FSIP2: variants seen among roughly 807,000 people sequenced by gnomAD.
FSIP2 encodes fibrous sheath interacting protein 2.
Under a neutral mutation model 510.5 loss-of-function variants are expected in FSIP2, and 367 were observed. That is an observed-to-expected ratio of 0.72 (90% CI 0.66 to 0.78). FSIP2 has a LOEUF of 0.78. Ranked by LOEUF, FSIP2 falls within the 30% of genes least tolerant of loss-of-function variation. The pLI is 0.00. For synonymous variants in FSIP2, 2,601 were observed against 2,732.2 expected, an observed-to-expected ratio of 0.95 and a Z score of 1.50; for missense variants, 7,594 against 7,901.7, an observed-to-expected ratio of 0.96 and a Z score of 1.48.
intron 13 of FSIP2, chr2:185,765,734 C>A (rs897959980): frequency 1.5e-4 from 23 of 151,956 alleles, no homozygotes; most frequent in African/African-American, 5.1e-4. Flanking sequence ...TTACCTTGGG[C>A]AGTATGGCCA....
At chr2:185,814,069 AC>A in intron 18 of FSIP2, 27 bp downstream of exon 18, 1 of 1,578,690 alleles carries the variant, frequency 6.3e-7, no homozygotes, top group Non-Finnish European at 8.6e-7. Flanking sequence ...ACTGTTAGTG[AC>A]TAGAAAGGGG....
In FSIP2 at chr2:185,807,201, A is replaced by G. The variant is rs1559035708; in HGVS notation, c.17895A>G (p.Ile5965Met). The change falls in exon 17 of 23, where the codon ATA (isoleucine) becomes ATG (methionine). Residue 5965 changes from isoleucine to methionine, a missense_variant. Coordinates refer to ENST00000424728, the MANE Select transcript of FSIP2 (RefSeq NM_173651.4). ...TTTTCCAACGTCAGGTTAACTTGAT[A>G]TTTTGTGATGAGGTTTCAGTTTCAG... Reference protein sequence around the residue: ...NEIFQRQVNLIFCDEVSVSAC... With the variant: ...NEIFQRQVNLMFCDEVSVSAC... 1.9e-6 allele frequency: 3 copies of G among 1,602,256 alleles called. No homozygotes were observed. Among genetic ancestry groups the G allele is most frequent in the Non-Finnish European group, 1.7e-6 (2 of 1,176,398 alleles).
At chr2:185,752,452 T>G (rs1559011412) in intron 7 of FSIP2, among the ~76,000 whole-genome samples, 1 of 151,344 alleles carries the variant, frequency 6.6e-6, no homozygotes, top group Non-Finnish European at 1.5e-5. Context: ...TTCTTGGACC[T>G]GTGGGTTTAC....
chr2:185,790,924 T>A lies in FSIP2; in HGVS notation c.3788T>A (p.Ile1263Asn). Reference protein sequence around the residue: ...PKPVDDINDKIIRTIFKRLKS... With the variant: ...PKPVDDINDKNIRTIFKRLKS... ...CCTGTAGATGACATTAATGATAAGA[T>A]CATTCGTACAATTTTTAAAAGACTG... The change falls in exon 16 of 23, where the codon ATC becomes AAC. Residue 1263 changes from isoleucine to asparagine, a missense_variant. Ile to Asn is a moderately radical substitution (Grantham distance 149). Coordinates refer to ENST00000424728, the MANE Select transcript of FSIP2 (RefSeq NM_173651.4). 1 of 1,524,994 alleles carries A rather than the reference T, an allele frequency of 6.6e-7. No homozygotes were observed. Among genetic ancestry groups the A allele is most frequent in the Non-Finnish European group, 8.7e-7 (1 of 1,142,990 alleles). The allele number at this position is 1,524,994 out of a possible 1,614,324, so 94.5% of individuals were successfully genotyped here. A position where few individuals can be genotyped will look rare whatever the true frequency, so the allele number is the denominator to read the frequency against.
Position 185,758,610 on chromosome 2 carries a change from C to T in FSIP2, c.1078+2332C>T, listed in dbSNP as rs182748011. Among the ~76,000 whole-genome samples the T allele has an allele frequency of 4.5e-3, 675 of 151,146 alleles. 5 individuals are homozygous for T. Among genetic ancestry groups the T allele is most frequent in the Non-Finnish European group, 8.4e-3 (566 of 67,384 alleles). On this transcript the variant is annotated intron_variant, in intron 9 of 22. Transcript: ENST00000424728. ...TCCTCATTGTCTTCATGTTGTAACA[C>T]CTCTGGCCAGTGGAAGCACCTTTGT...
chr2:185,750,234 T>C (rs958896656), intron 7 of FSIP2, among the ~76,000 whole-genome samples: 8 of 151,680 alleles, frequency 5.3e-5, no homozygotes, highest in East Asian at 1.9e-4. Context: ...ATTGGTATTG[T>C]TTATTTTTTA....
intron 13 of FSIP2, chr2:185,766,170 G>C (rs1173585566): frequency 6.6e-6 from 1 of 151,938 alleles, no homozygotes; most frequent in East Asian, 1.9e-4. Flanking sequence ...ATCAATTCAA[G>C]ATGGATTAAA....
intron 19 of FSIP2, 84 bp downstream of exon 19, chr2:185,815,555 A>C (rs1693810693): frequency 1.7e-6 from 1 of 574,540 alleles, no homozygotes; most frequent in Non-Finnish European, 3.1e-6. Context: ...CAAAACTGTA[A>C]TTGAGCAAGT....
chr2:185,821,861 G>T (rs1364697562), intron 19 of FSIP2, among the ~76,000 whole-genome samples: 1 of 151,286 alleles, frequency 6.6e-6, no homozygotes, highest in African/African-American at 2.4e-5. Context: ...AGGAAGTTGA[G>T]GCTGCAGTGA....
chr2:185,785,105 T>C (rs1341849918), intron 14 of FSIP2, among the ~76,000 whole-genome samples: 1 of 152,056 alleles, frequency 6.6e-6, no homozygotes, highest in African/African-American at 2.4e-5. Flanking sequence ...TTTGTGCCAA[T>C]GATATAACAT....
Position 185,832,961 on chromosome 2 carries a change from C to T in FSIP2, c.20588-129C>T, listed in dbSNP as rs34199041. ...CATAGTACAGTAGGCATAATGATGC[C>T]ATGAGAGTCAGAAAGTCTGGACCCT... On this transcript the variant is annotated intron_variant, in intron 22 of 22. Coordinates refer to ENST00000424728, the MANE Select transcript of FSIP2 (RefSeq NM_173651.4). The T allele has an allele frequency of 2.1e-5, 15 of 699,240 alleles. No homozygotes were observed. The South Asian group carries it at 2.5e-4, about 12-fold the overall frequency. The allele number at this position is 699,240 out of a possible 1,614,324, so 43.3% of individuals were successfully genotyped here. A position where few individuals can be genotyped will look rare whatever the true frequency, so the allele number is the denominator to read the frequency against.
At position 185,803,915 on chromosome 2, in the gene FSIP2, A is replaced by T; in HGVS notation, c.14609A>T (p.Asp4870Val). ...IQSMVDSIYA[D>V]LSHSNIYQSI... ...TCTATGGTTGATTCCATTTATGCTG[A>T]TCTTTCTCATTCAAATATATACCAG... The change falls in exon 17 of 23, where the codon GAT becomes GTT. Residue 4870 changes from aspartate to valine, a missense_variant. Asp to Val is a radical substitution (Grantham distance 152). Coordinates refer to ENST00000424728, the MANE Select transcript of FSIP2 (RefSeq NM_173651.4). 1 of 1,525,574 alleles carries T rather than the reference A, an allele frequency of 6.6e-7. No individual in the cohort carries two copies. Among genetic ancestry groups the T allele is most frequent in the Non-Finnish European group, 8.8e-7 (1 of 1,139,644 alleles). 94.5% of individuals were successfully genotyped at this position (1,525,574 alleles called of 1,614,324 possible). A position where few individuals can be genotyped will look rare whatever the true frequency, so the allele number is the denominator to read the frequency against.
At chr2:185,787,051 T>C (rs1423761970) in intron 15 of FSIP2, among the ~76,000 whole-genome samples, 1 of 151,800 alleles carries the variant, frequency 6.6e-6, no homozygotes, top group Non-Finnish European at 1.5e-5. Flanking sequence ...CTAAGAGTAA[T>C]AATGTAGGTT....
intron 22 of FSIP2, 65 bp downstream of exon 22, chr2:185,831,947 G>T (rs1694116916): frequency 3.1e-6 from 3 of 978,478 alleles, no homozygotes; most frequent in Non-Finnish European, 3.3e-6. Context: ...TTTGAATTTA[G>T]AATTTTTTAT....
chr2:185,748,161 T>C (rs1412901475), intron 7 of FSIP2, among the ~76,000 whole-genome samples: 1 of 152,102 alleles, frequency 6.6e-6, no homozygotes, highest in African/African-American at 2.4e-5. Flanking sequence ...TAAATATGTA[T>C]GCTTCTCTTT....
Position 185,795,719 on chromosome 2 carries a change from A to G in FSIP2, c.8583A>G (p.Ile2861Met). The G allele has an allele frequency of 1.3e-6, 2 of 1,532,720 alleles. No individual in the cohort carries two copies. Among genetic ancestry groups the G allele is most frequent in the Admixed American group, 2.0e-5 (1 of 50,656 alleles). The allele number at this position is 1,532,720 out of a possible 1,614,324, so 94.9% of individuals were successfully genotyped here. Reference protein sequence around the residue: ...KENEKCKLLMIAENVLTEISI... With the variant: ...KENEKCKLLMMAENVLTEISI... ...ATGAAAAATGTAAGCTATTGATGATAGCTGAAAATGTTTTGACTGAAATTT... is the reference window on the plus strand; with the variant it reads ...ATGAAAAATGTAAGCTATTGATGATGGCTGAAAATGTTTTGACTGAAATTT... The change falls in exon 16 of 23, where the codon ATA (isoleucine) becomes ATG (methionine). Residue 2861 changes from isoleucine (I) to methionine (M), a missense_variant. By Grantham distance (10) the Ile-to-Met change is conservative. Transcript: ENST00000424728.
In FSIP2 at chr2:185,805,894, C is replaced by A. The variant is rs113557330; in HGVS notation, c.16588C>A (p.Gln5530Lys). ...TGAAAATAAAGTGGGAATTTGTACT[C>A]AAAAACATAGTGAGAATGTATCAAA... ...VDENKVGICT[Q>K]KHSENVSKVT... Residue 5530 changes from glutamine to lysine, a missense_variant, in exon 17 of 23, where the codon CAA becomes AAA. Physicochemically the swap from Gln to Lys is moderately conservative, Grantham distance 53. Coordinates refer to ENST00000424728, the MANE Select transcript of FSIP2 (RefSeq NM_173651.4). 6.8e-6 allele frequency: 11 copies of A among 1,607,216 alleles called. No individual in the cohort carries two copies. Among genetic ancestry groups the A allele is most frequent in the Non-Finnish European group, 7.6e-6 (9 of 1,177,166 alleles).
intron 13 of FSIP2, among the ~76,000 whole-genome samples, chr2:185,771,671 A>G (rs1440311901): frequency 6.6e-6 from 1 of 152,122 alleles, no homozygotes; most frequent in Admixed American, 6.5e-5. Context: ...AGACTTCTGA[A>G]ATGCCTTTGA....
rs762743245 is a variant in FSIP2, at chr2:185,821,134, T to C, written c.20427-3300T>C. On this transcript the variant is annotated intron_variant, in intron 19 of 22. Coordinates refer to ENST00000424728, the MANE Select transcript of FSIP2 (RefSeq NM_173651.4). ...AGAGGTAAAATAGCAACTGAGTTTA[T>C]AGAAATAAAAAGGATTATAAGAGGG... Among the ~76,000 whole-genome samples, 6 of 150,590 alleles carry C rather than the reference T, an allele frequency of 4.0e-5. 2 individuals carry two copies. The South Asian group carries it at 1.3e-3, about 31-fold the overall frequency.
Sources: gnomAD v4.1 joint callset for allele counts (sites outside exome capture counted in the v4.1 genomes callset) on GRCh38, gnomAD v4.1.1 for gene constraint, MANE v1.5 for transcripts, NCBI Gene and HGNC (gene_info 2026-07-23, HGNC 2026-07-21) for gene names.